The following PRRX2 variants were observed in gnomAD, a reference collection of about 807,000 sequenced individuals.
PRRX2 encodes paired mesoderm homeobox protein 2.
PRRX2 carries 11 observed loss-of-function variants against 18.0 expected under a neutral mutation model. That is an observed-to-expected ratio of 0.61 (90% CI 0.39 to 1.01). The LOEUF is 1.01. PRRX2 is among the 50% of genes least tolerant of loss of function. The pLI is 0.01. For missense variants in PRRX2, 387 were observed against 351.0 expected (o/e 1.10, Z -0.82); for synonymous variants, 177 against 154.8 (o/e 1.14, Z -1.06).
intron 1 of PRRX2, among the ~76,000 whole-genome samples, chr9:129,708,818 A>G (rs749797638): frequency 3.9e-5 from 6 of 152,194 alleles, no homozygotes; most frequent in Non-Finnish European, 7.3e-5. Context: ...CTTCATTTAC[A>G]TAGTCATTCA....
At chr9:129,666,580 C>G (rs796584203) in intron 1 of PRRX2, among the ~76,000 whole-genome samples, 1 of 144,576 alleles carries the variant, frequency 6.9e-6, no homozygotes, top group Non-Finnish European at 1.5e-5. Context: ...CACCCCCCCC[C>G]ACCCTCCAGT....
In PRRX2 at chr9:129,695,642, C is replaced by T. The variant is rs941808441; in HGVS notation, c.260-23589C>T. On this transcript the variant is annotated intron_variant, in intron 1 of 3. Transcript: ENST00000372469. This position sits in a 1 kb window ranked among gnomAD's most constrained non-coding sequence, Gnocchi z 4.8. The stretch of plus-strand genomic sequence containing the variant: ...ACGCTGCTCTTCCTCCAGGCCCCCG[C>T]CACCCCAAACCTTTAACAGGAGACT... Among the ~76,000 whole-genome samples the T allele has an allele frequency of 2.0e-5, 3 of 152,240 alleles. No homozygotes were observed. Among genetic ancestry groups the T allele is most frequent in the African/African-American group, 7.2e-5 (3 of 41,476 alleles).
intron 1 of PRRX2, among the ~76,000 whole-genome samples, chr9:129,677,958 CTTTTTTTTTT>C (rs760645440): frequency 1.8e-5 from 2 of 113,122 alleles, no homozygotes; most frequent in Middle Eastern, 4.7e-3. Flanking sequence ...TTCTTTCTTT[CTTTTTTTTTT>C]TTTTTTTTTT....
Position 129,722,511 on chromosome 9 carries a change from G to T in PRRX2, c.*159G>T. The T allele has an allele frequency of 1.3e-6, 1 of 773,902 alleles. No homozygotes were observed. Among genetic ancestry groups the T allele is most frequent in the Middle Eastern group, 3.6e-4 (1 of 2,814 alleles). 47.9% of individuals were successfully genotyped at this position (773,902 alleles called of 1,614,324 possible). A position where few individuals can be genotyped will look rare whatever the true frequency, so the allele number is the denominator to read the frequency against. On this transcript the variant is annotated 3_prime_UTR_variant, in exon 4 of 4. Coordinates refer to ENST00000372469, the MANE Select transcript of PRRX2 (RefSeq NM_016307.4). ...GAGGCTGTTGAGGCCCCTGCAGCCG[G>T]GCCCAGCTCTTCTGTCCTTGGCCAC...
chr9:129,694,950 C>T (rs765989965), intron 1 of PRRX2, among the ~76,000 whole-genome samples: 1 of 152,234 alleles, frequency 6.6e-6, no homozygotes, highest in Admixed American at 6.5e-5. Context: ...ATCAGCCCCC[C>T]AAGACCCACT....
rs1347338627 is a variant in PRRX2 at position 129,722,273 on chromosome 9, T to C, written c.683T>C (p.Met228Thr). ...GGCCCCGCAACCCCAGGGGTCAACATGGCCAACAGCATCGCCAGCCTCCGT... is the reference window on the plus strand; with the variant it reads ...GGCCCCGCAACCCCAGGGGTCAACACGGCCAACAGCATCGCCAGCCTCCGT... ...SSGPATPGVN[M>T]ANSIASLRLK... Residue 228 changes from methionine to threonine, a missense_variant, in exon 4 of 4, where the codon ATG becomes ACG. Coordinates refer to ENST00000372469, the MANE Select transcript of PRRX2 (RefSeq NM_016307.4). 1.9e-6 allele frequency: 3 copies of C among 1,613,960 alleles called. No homozygotes were observed. The highest frequency in any genetic ancestry group is 2.5e-6 in the Non-Finnish European group (3 of 1,180,000).
intron 1 of PRRX2, among the ~76,000 whole-genome samples, chr9:129,688,158 C>A (rs1832317954): frequency 6.6e-6 from 1 of 152,132 alleles, no homozygotes; most frequent in Non-Finnish European, 1.5e-5. Flanking sequence ...CGCCTCTGGG[C>A]TCAAGCCATC....
At chr9:129,672,469 C>G (rs1345377383) in intron 1 of PRRX2, among the ~76,000 whole-genome samples, 1 of 152,184 alleles carries the variant, frequency 6.6e-6, no homozygotes, top group Non-Finnish European at 1.5e-5. Context: ...CCCTCCTGTT[C>G]CAAAACCCCT....
At chr9:129,710,623 C>T (rs1832606955) in intron 1 of PRRX2, among the ~76,000 whole-genome samples, 1 of 152,182 alleles carries the variant, frequency 6.6e-6, no homozygotes, top group Non-Finnish European at 1.5e-5. Context: ...GTCCCAACTA[C>T]TCGGGAGGCT....
At chr9:129,678,977 C>T (rs1373809377) in intron 1 of PRRX2, among the ~76,000 whole-genome samples, 1 of 152,182 alleles carries the variant, frequency 6.6e-6, no homozygotes, top group Non-Finnish European at 1.5e-5. Flanking sequence ...GCCTGAGAAG[C>T]CCAGATCCTC....
rs544657221 is a variant in PRRX2 at position 129,671,635 on chromosome 9, C to T, written c.259+5509C>T. On this transcript the variant is annotated intron_variant, in intron 1 of 3. Transcript: ENST00000372469. This position sits in a 1 kb window ranked among gnomAD's most constrained non-coding sequence, Gnocchi z 4.0. ...AAGGGCTGTGGTATCCCTCAAAGGG[C>T]GTGTCGAGCCCTGAGTGGGTGAGGG... Among the ~76,000 whole-genome samples, 2 of 152,310 alleles carry T rather than the reference C, an allele frequency of 1.3e-5. No individual in the cohort carries two copies. Among genetic ancestry groups the T allele is most frequent in the South Asian group, 2.1e-4 (1 of 4,822 alleles).
At position 129,715,145 on chromosome 9, in the gene PRRX2, G is replaced by T. The variant is rs913702298; in HGVS notation, c.260-4086G>T. ...CCTCCCCACTGCCCCCACAGCCCCC[G>T]CCTGGTCCCGTATGTTTGCAAGTAT... is the stretch of plus-strand genomic sequence containing the variant. On this transcript the variant is annotated intron_variant, in intron 1 of 3. Coordinates refer to ENST00000372469, the MANE Select transcript of PRRX2 (RefSeq NM_016307.4). The surrounding 1 kb of genome is among the most constrained non-coding windows in gnomAD (Gnocchi z 4.0). Among the ~76,000 whole-genome samples the T allele has an allele frequency of 1.3e-5, 2 of 152,042 alleles. No homozygotes were observed. The highest frequency in any genetic ancestry group is 2.4e-5 in the African/African-American group (1 of 41,406).
At chr9:129,669,495 G>T (rs1832074385) in intron 1 of PRRX2, among the ~76,000 whole-genome samples, 1 of 152,268 alleles carries the variant, frequency 6.6e-6, no homozygotes, top group Non-Finnish European at 1.5e-5. Context: ...AATAAACAAA[G>T]CCCCTAGAGC....
chr9:129,667,822 C>T (rs1044398602), intron 1 of PRRX2, among the ~76,000 whole-genome samples: 5 of 152,158 alleles, frequency 3.3e-5, no homozygotes, highest in African/African-American at 7.2e-5. Flanking sequence ...AGACAAGGCC[C>T]TTGGCAGCCT....
intron 1 of PRRX2, among the ~76,000 whole-genome samples, chr9:129,706,845 T>G (rs1043291253): frequency 1.3e-5 from 2 of 152,188 alleles, no homozygotes; most frequent in East Asian, 3.8e-4. Flanking sequence ...AAAGAAGCCC[T>G]GCACTTTTTA....
chr9:129,721,458 G>T (rs568295857), intron 3 of PRRX2, among the ~76,000 whole-genome samples: 73 of 152,288 alleles, frequency 4.8e-4, no homozygotes, highest in African/African-American at 1.7e-3. Context: ...TGGAGCCATG[G>T]TCATGTGGGG....
chr9:129,699,831 G>T (rs1177508766), intron 1 of PRRX2, among the ~76,000 whole-genome samples: 1 of 152,144 alleles, frequency 6.6e-6, no homozygotes, highest in Non-Finnish European at 1.5e-5. Flanking sequence ...CTTTGGGGAG[G>T]AAGTGTCCCA....
Position 129,675,844 on chromosome 9 carries a change from G to T in PRRX2, c.259+9718G>T, listed in dbSNP as rs1258463678. Among the ~76,000 whole-genome samples, 3 of 152,212 alleles carry T rather than the reference G, an allele frequency of 2.0e-5. No homozygotes were observed. Among genetic ancestry groups the T allele is most frequent in the Non-Finnish European group, 4.4e-5 (3 of 68,024 alleles). On this transcript the variant is annotated intron_variant, in intron 1 of 3. Coordinates refer to ENST00000372469, the MANE Select transcript of PRRX2 (RefSeq NM_016307.4). The surrounding 1 kb of genome is among the most constrained non-coding windows in gnomAD (Gnocchi z 4.4). Reference sequence around the variant, plus strand: ...GCCTCTCTCGCCGCCAGAGCTCTGCGCGGGCCTCCCGTATAAAACCCCGCA... The same window carrying T: ...GCCTCTCTCGCCGCCAGAGCTCTGCTCGGGCCTCCCGTATAAAACCCCGCA...
intron 1 of PRRX2, among the ~76,000 whole-genome samples, chr9:129,685,829 C>T (rs1832293797): frequency 6.6e-6 from 1 of 152,228 alleles, no homozygotes; most frequent in Non-Finnish European, 1.5e-5. Context: ...GTGCCAGGCG[C>T]CACTGCTGAC....
Sources: gnomAD v4.1 joint callset for allele counts (sites outside exome capture counted in the v4.1 genomes callset) on GRCh38, gnomAD v4.1.1 for gene constraint, Gnocchi (gnomAD v3.1) non-coding constraint, MANE v1.5 for transcripts, NCBI Gene and HGNC (gene_info 2026-07-23, HGNC 2026-07-21) for gene names.